The following SLC25A24 variants were observed in gnomAD, a reference collection of about 807,000 sequenced individuals.
SLC25A24 encodes the protein mitochondrial adenyl nucleotide antiporter SLC25A24.
A neutral mutation model predicts 60.7 loss-of-function variants in SLC25A24; 49 were observed. The ratio of observed to expected loss-of-function variants is 0.81; its 90% CI spans 0.64 to 1.02. The LOEUF (loss-of-function observed/expected upper bound fraction) is 1.02. SLC25A24 is among the 50% of genes least tolerant of loss of function. The pLI is 0.00. For missense variants in SLC25A24, 564 were observed against 586.3 expected (o/e 0.96, Z 0.39); for synonymous variants, 202 against 200.6 (o/e 1.01, Z -0.06).
rs1679260525 is a variant in SLC25A24 at position 108,135,593 on chromosome 1, A to G, written c.*1060T>C. 1 of 152,280 alleles carries G rather than the reference A, an allele frequency of 6.6e-6. No homozygotes were observed. Among genetic ancestry groups the G allele is most frequent in the Non-Finnish European group, 1.5e-5 (1 of 68,026 alleles). The allele number at this position is 152,280 out of a possible 1,614,324, so 9.4% of individuals were successfully genotyped here. A position where few individuals can be genotyped will look rare whatever the true frequency, so the allele number is the denominator to read the frequency against. ...GAGAATATGAATGTATATGTTTACA[A>G]ATTGGGCCTTTCATTTAAATATAGG... On this transcript the variant is annotated 3_prime_UTR_variant, in exon 10 of 10. Coordinates refer to ENST00000565488, the MANE Select transcript of SLC25A24 (RefSeq NM_013386.5).
intron 1 of SLC25A24, among the ~76,000 whole-genome samples, chr1:108,195,855 C>G (rs1194302509): frequency 6.6e-6 from 1 of 151,996 alleles, no homozygotes; most frequent in Non-Finnish European, 1.5e-5. Flanking sequence ...CAAAAGTTAA[C>G]CAGGTGTGGT....
intron 3 of SLC25A24, among the ~76,000 whole-genome samples, chr1:108,168,332 A>G (rs549341545): frequency 6.6e-6 from 1 of 152,140 alleles, no homozygotes; most frequent in South Asian, 2.1e-4. Flanking sequence ...TTATGTCACT[A>G]TTTTCTATTT....
Position 108,157,745 on chromosome 1 carries a change from TA to T in SLC25A24, c.511-126del, listed in dbSNP as rs761854826. The T allele has an allele frequency of 2.8e-4, 288 of 1,031,494 alleles. 1 individual carries two copies. Among genetic ancestry groups the T allele is most frequent in the Admixed American group, 5.0e-4 (22 of 43,660 alleles). 63.9% of individuals were successfully genotyped at this position (1,031,494 alleles called of 1,614,324 possible). ...GAACTTCATTCCCTAGAATTTATACTAAACCAATTTGAGTACATAGATTATA... is the reference window on the plus strand; with the variant it reads ...GAACTTCATTCCCTAGAATTTATACTAACCAATTTGAGTACATAGATTATA... On this transcript the variant is annotated intron_variant, in intron 4 of 9. Transcript: ENST00000565488.
chr1:108,160,811 G>C (rs1057108638), intron 4 of SLC25A24, among the ~76,000 whole-genome samples: 2 of 152,206 alleles, frequency 1.3e-5, no homozygotes, highest in Non-Finnish European at 2.9e-5. Flanking sequence ...ACAGTCAGGC[G>C]TGGCGGTGCG....
At chr1:108,149,369 T>A (rs1426442912) in intron 6 of SLC25A24, among the ~76,000 whole-genome samples, 3 of 152,144 alleles carry the variant, frequency 2.0e-5, no homozygotes, top group Non-Finnish European at 4.4e-5. Context: ...AGACCTGAGC[T>A]GGAACTCCAG....
intron 3 of SLC25A24, among the ~76,000 whole-genome samples, chr1:108,175,093 A>C (rs1197026404): frequency 6.6e-6 from 1 of 152,192 alleles, no homozygotes; most frequent in Non-Finnish European, 1.5e-5. Context: ...TTGCAATGTG[A>C]GAACATGGGA....
intron 6 of SLC25A24, among the ~76,000 whole-genome samples, chr1:108,153,197 C>T (rs1679802390): frequency 1.3e-5 from 2 of 152,182 alleles, no homozygotes; most frequent in Admixed American, 1.3e-4. Context: ...GTCAATGATA[C>T]AATGACACTA....
intron 1 of SLC25A24, among the ~76,000 whole-genome samples, chr1:108,198,239 A>C (rs776682677): frequency 5.3e-5 from 8 of 152,238 alleles, no homozygotes; most frequent in Non-Finnish European, 1.2e-4. Flanking sequence ...AAATGGACTA[A>C]GACAGGAAAT....
chr1:108,200,257 G>A lies in SLC25A24; in HGVS notation c.-119C>T. On this transcript the variant is annotated 5_prime_UTR_variant, in exon 1 of 10. Coordinates refer to ENST00000565488, the MANE Select transcript of SLC25A24 (RefSeq NM_013386.5). ...GGGCGCGCGGCGCAACAGCGTTTGG[G>A]GCGCCGTCGGGGTTGCGGCTGCGGC... The A allele has an allele frequency of 1.0e-6, 1 of 993,230 alleles. No individual in the cohort carries two copies. The highest frequency in any genetic ancestry group is 1.3e-6 in the Non-Finnish European group (1 of 750,530). The allele number at this position is 993,230 out of a possible 1,614,324, so 61.5% of individuals were successfully genotyped here.
chr1:108,195,171 G>T (rs562806396), intron 1 of SLC25A24, among the ~76,000 whole-genome samples: 2 of 143,508 alleles, frequency 1.4e-5, no homozygotes, highest in Non-Finnish European at 3.1e-5. Flanking sequence ...ATGTTGTCTT[G>T]TGGAAGCTTC....
intron 2 of SLC25A24, among the ~76,000 whole-genome samples, chr1:108,184,698 T>C (rs1216234335): frequency 6.6e-6 from 1 of 152,206 alleles, no homozygotes; most frequent in East Asian, 1.9e-4. Flanking sequence ...TTACATATTA[T>C]CCATGGCTGC....
rs1571272259 is a variant in SLC25A24 at position 108,134,900 on chromosome 1, T to C, written c.*1753A>G. The C allele has an allele frequency of 6.6e-6, 1 of 152,132 alleles. No individual in the cohort carries two copies. The highest frequency in any genetic ancestry group is 2.4e-5 in the African/African-American group (1 of 41,448). The allele number at this position is 152,132 out of a possible 1,614,324, so 9.4% of individuals were successfully genotyped here. On this transcript the variant is annotated 3_prime_UTR_variant, in exon 10 of 10. Transcript: ENST00000565488. ...CTACCAGAAATATACTATCTTCAAC[T>C]CTCGGCTTTTTTCCAAAAGATACAG...
chr1:108,154,222 G>GA (rs1004755842), intron 6 of SLC25A24, among the ~76,000 whole-genome samples: 13 of 151,484 alleles, frequency 8.6e-5, no homozygotes, highest in Non-Finnish European at 1.8e-4. Flanking sequence ...AAAAACTATG[G>GA]GGGGGGAGTT....
At chr1:108,158,711 A>G (rs1217456629) in intron 4 of SLC25A24, among the ~76,000 whole-genome samples, 1 of 151,942 alleles carries the variant, frequency 6.6e-6, no homozygotes, top group East Asian at 1.9e-4. Flanking sequence ...AAGAAAAAAA[A>G]AAAAAAAAAG....
At chr1:108,163,645 T>C (rs1188202789) in intron 3 of SLC25A24, among the ~76,000 whole-genome samples, 1 of 151,874 alleles carries the variant, frequency 6.6e-6, no homozygotes, top group Non-Finnish European at 1.5e-5. Context: ...TGATTTTGTA[T>C]CCTGAGACTT....
chr1:108,173,970 A>G (rs1647574763), intron 3 of SLC25A24, among the ~76,000 whole-genome samples: 1 of 152,206 alleles, frequency 6.6e-6, no homozygotes, highest in African/African-American at 2.4e-5. Flanking sequence ...AGAAATTTCT[A>G]AGTGGCAAAG....
chr1:108,155,007 AG>A lies in SLC25A24; in HGVS notation c.797del (p.Ala266ValfsTer21), dbSNP rs1439328342. The A allele has an allele frequency of 6.2e-7, 1 of 1,608,298 alleles. No homozygotes were observed. The highest frequency in any genetic ancestry group is 8.5e-7 in the Non-Finnish European group (1 of 1,177,502). On this transcript the variant is annotated frameshift_variant, in exon 6 of 10. Coordinates refer to ENST00000565488, the MANE Select transcript of SLC25A24 (RefSeq NM_013386.5). LOFTEE classifies it high-confidence loss of function. ...CCTGTTCATATGCCCAGAATTTAAC[AG>A]CTGTCTCAGGAGCAATTTTGATGAC... is the stretch of plus-strand genomic sequence containing the variant. The part of the protein sequence containing the change: ...TNVIKIAPET[A>X]VKFWAYEQYK...
Position 108,150,696 on chromosome 1 carries a change from T to C in SLC25A24, c.823-2310A>G, listed in dbSNP as rs377428108. On this transcript the variant is annotated intron_variant, in intron 6 of 9. Transcript: ENST00000565488. ...TCTTCCCAAACACGTATAAGAAGAG[T>C]TCTTCTTGTAATCAAAGACTAATCC... 7.4e-4 allele frequency among the ~76,000 whole-genome samples: 113 copies of C among 151,958 alleles called. 1 individual carries two copies. The highest frequency in any genetic ancestry group is 2.7e-3 in the African/African-American group (110 of 41,424).
At chr1:108,144,706 T>C (rs1023752967) in intron 7 of SLC25A24, among the ~76,000 whole-genome samples, 6 of 152,190 alleles carry the variant, frequency 3.9e-5, no homozygotes, top group Non-Finnish European at 5.9e-5. Context: ...CTGTGTTAGG[T>C]TGCTGAGAAT....
Sources: allele counts gnomAD v4.1 joint callset (sites outside exome capture counted in the v4.1 genomes callset), GRCh38; gene constraint gnomAD v4.1.1; transcripts MANE v1.5; gene names NCBI Gene and HGNC (gene_info 2026-07-23, HGNC 2026-07-21).